Variants in SLIT2 observed in about 807,000 individuals in gnomAD.
SLIT2 encodes the protein slit homolog 2 protein.
SLIT2 carries 41 observed loss-of-function variants against 185.7 expected under a neutral mutation model. The ratio of observed to expected loss-of-function variants is 0.22; its 90% CI spans 0.17 to 0.29. The LOEUF is 0.29. Among genes scored for constraint, SLIT2 ranks in the 10% least tolerant of loss-of-function variants. SLIT2 has a pLI of 1.00. For synonymous variants in SLIT2, 693 were observed against 680.2 expected (o/e 1.02, Z -0.29); for missense variants, 1,571 against 1,909.0 (o/e 0.82, Z 3.30).
At chr4:20,304,886 T>C (rs1717391974) in intron 4 of SLIT2, among the ~76,000 whole-genome samples, 1 of 152,184 alleles carries the variant, frequency 6.6e-6, no homozygotes, top group Non-Finnish European at 1.5e-5. Context: ...TCTGTTAACA[T>C]AGCAAAGTAT....
At chr4:20,533,515 C>A in intron 17 of SLIT2, 57 bp from the exon 18 acceptor site, 1 of 1,344,922 alleles carries the variant, frequency 7.4e-7, no homozygotes, top group Admixed American at 1.9e-5. Context: ...AACTATGTTT[C>A]AATTCCCACC....
At chr4:20,544,661 G>A (rs939681866) in intron 21 of SLIT2, among the ~76,000 whole-genome samples, 25 of 151,968 alleles carry the variant, frequency 1.6e-4, no homozygotes, top group African/African-American at 5.6e-4. Flanking sequence ...TTTCATATGT[G>A]TATTACATTA....
chr4:20,378,208 T>G (rs1489708655), intron 4 of SLIT2, among the ~76,000 whole-genome samples: 1 of 152,166 alleles, frequency 6.6e-6, no homozygotes, highest in Non-Finnish European at 1.5e-5. Context: ...AAAAATCAGT[T>G]TTACAAAAGG....
chr4:20,388,895 T>TATATAATATATAC (rs1412096439), intron 4 of SLIT2, among the ~76,000 whole-genome samples: 1 of 146,066 alleles, frequency 6.8e-6, no homozygotes, highest in Non-Finnish European at 1.5e-5. Context: ...AAACATAATA[T>TATATAATATATAC]ATATAATATA....
intron 4 of SLIT2, among the ~76,000 whole-genome samples, chr4:20,437,362 C>T (rs921659337): frequency 7.2e-5 from 11 of 152,172 alleles, no homozygotes; most frequent in Admixed American, 5.2e-4. Flanking sequence ...CACCTGTATT[C>T]TTAACACTTT....
At position 20,337,905 on chromosome 4, in the gene SLIT2, A is replaced by G. The variant is rs543124196; in HGVS notation, c.395+69024A>G. Among the ~76,000 whole-genome samples, 358 of 152,296 alleles carry G rather than the reference A, an allele frequency of 2.4e-3. 3 individuals carry two copies. The highest frequency in any genetic ancestry group is 3.8e-3 in the Non-Finnish European group (257 of 68,030). ...TGTGTTTTAAAAGAAAAAAAAAATGATGCCACTAAATACGCCAGATTTTTC... is the reference window on the plus strand; with the variant it reads ...TGTGTTTTAAAAGAAAAAAAAAATGGTGCCACTAAATACGCCAGATTTTTC... On this transcript the variant is annotated intron_variant, in intron 4 of 36. Coordinates refer to ENST00000504154, the MANE Select transcript of SLIT2 (RefSeq NM_004787.4).
At chr4:20,410,429 T>G (rs1276964350) in intron 4 of SLIT2, among the ~76,000 whole-genome samples, 4 of 148,680 alleles carry the variant, frequency 2.7e-5, no homozygotes, top group Non-Finnish European at 6.0e-5. Flanking sequence ...TTTTTTTTTG[T>G]ATTGTTAGTA....
At chr4:20,417,831 C>A (rs1577617317) in intron 4 of SLIT2, among the ~76,000 whole-genome samples, 1 of 152,044 alleles carries the variant, frequency 6.6e-6, no homozygotes, top group Admixed American at 6.6e-5. Context: ...CTTGTCTCAT[C>A]TTCACATAGC....
intron 4 of SLIT2, among the ~76,000 whole-genome samples, chr4:20,362,838 C>G (rs774123557): frequency 6.6e-6 from 1 of 151,926 alleles, no homozygotes; most frequent in Non-Finnish European, 1.5e-5. Flanking sequence ...TAGCCTAATA[C>G]TTCTGTTCTA....
chr4:20,301,597 C>T lies in SLIT2; in HGVS notation c.395+32716C>T, dbSNP rs138676469. The stretch of plus-strand genomic sequence containing the variant: ...TTATCATGTCATGAATTCCAATTCA[C>T]TAGAAGAGCTAAGGAAGAAAATGCT... On this transcript the variant is annotated intron_variant, in intron 4 of 36. Transcript: ENST00000504154. Among the ~76,000 whole-genome samples the T allele has an allele frequency of 3.8e-3, 572 of 152,234 alleles. 5 individuals are homozygous for T. Among genetic ancestry groups the T allele is most frequent in the Non-Finnish European group, 5.8e-3 (393 of 67,996 alleles).
intron 4 of SLIT2, among the ~76,000 whole-genome samples, chr4:20,281,116 A>G (rs71607012): frequency 1.8e-3 from 276 of 152,314 alleles, no homozygotes; most frequent in Non-Finnish European, 3.3e-3. Flanking sequence ...TACAGGCGTG[A>G]GCCACTGCAC....
At chr4:20,572,506 G>A (rs1725695289) in intron 29 of SLIT2, among the ~76,000 whole-genome samples, 1 of 152,060 alleles carries the variant, frequency 6.6e-6, no homozygotes, top group Admixed American at 6.6e-5. Context: ...CTAAAGACAA[G>A]ACATTTCTTG....
At chr4:20,317,704 G>C (rs573691654) in intron 4 of SLIT2, among the ~76,000 whole-genome samples, 1 of 152,096 alleles carries the variant, frequency 6.6e-6, no homozygotes, top group South Asian at 2.1e-4. Flanking sequence ...GTAACTGGTG[G>C]TTTCGTGCTT....
intron 4 of SLIT2, among the ~76,000 whole-genome samples, chr4:20,309,686 C>A (rs977062945): frequency 6.6e-6 from 1 of 151,492 alleles, no homozygotes; most frequent in African/African-American, 2.4e-5. Flanking sequence ...ACTGTGATAA[C>A]CTCAGTGTCC....
intron 24 of SLIT2, among the ~76,000 whole-genome samples, chr4:20,550,468 T>C (rs961615883): frequency 4.6e-5 from 7 of 152,052 alleles, no homozygotes; most frequent in Non-Finnish European, 8.8e-5. Flanking sequence ...TGTTTGGATA[T>C]ATTTTATGTT....
intron 4 of SLIT2, among the ~76,000 whole-genome samples, chr4:20,339,555 T>A (rs1451704525): frequency 6.6e-6 from 1 of 152,190 alleles, no homozygotes; most frequent in African/African-American, 2.4e-5. Flanking sequence ...TCATGTGGAC[T>A]CTAGGGCAAA....
intron 4 of SLIT2, among the ~76,000 whole-genome samples, chr4:20,450,505 C>T (rs913503274): frequency 2.6e-5 from 4 of 152,168 alleles, no homozygotes; most frequent in Non-Finnish European, 4.4e-5. Flanking sequence ...GGGACCCTTA[C>T]GTTCTGCCAG....
intron 3 of SLIT2, among the ~76,000 whole-genome samples, chr4:20,264,060 G>A (rs917058499): frequency 3.3e-5 from 5 of 151,766 alleles, no homozygotes; most frequent in Admixed American, 6.6e-5. Flanking sequence ...GAGAAATACC[G>A]GGAAGTAAGG....
At chr4:20,572,227 T>A (rs1725665105) in intron 29 of SLIT2, among the ~76,000 whole-genome samples, 2 of 152,170 alleles carry the variant, frequency 1.3e-5, no homozygotes, top group Admixed American at 6.6e-5. Context: ...AAAACCATTC[T>A]CCATATACTC....
Sources: gnomAD v4.1 joint callset for allele counts (sites outside exome capture counted in the v4.1 genomes callset) on GRCh38, gnomAD v4.1.1 for gene constraint, MANE v1.5 for transcripts, NCBI Gene and HGNC (gene_info 2026-07-23, HGNC 2026-07-21) for gene names.